The following IKBKB variants were observed in gnomAD, a reference collection of about 807,000 sequenced individuals.
IKBKB encodes inhibitor of nuclear factor kappa-B kinase subunit beta.
IKBKB carries 42 observed loss-of-function variants against 113.6 expected under a neutral mutation model. The ratio of observed to expected loss-of-function variants is 0.37; its 90% CI spans 0.29 to 0.48. The LOEUF is 0.48. Ranked by LOEUF, IKBKB falls within the 20% of genes least tolerant of loss-of-function variation. The pLI is 0.99. For missense variants in IKBKB, 673 were observed against 939.7 expected, an observed-to-expected ratio of 0.72 and a Z score of 3.71; for synonymous variants, 296 against 361.3, an observed-to-expected ratio of 0.82 and a Z score of 2.05.
rs1236425904 is a variant in IKBKB at position 42,308,235 on chromosome 8, T to G, written c.568-666T>G. Reference sequence around the variant, plus strand: ...CCCACGACTGTGTCCTGCCTTAAGCTAGTTTTCAATAAGCGCCTGAAATGC... The same window carrying G: ...CCCACGACTGTGTCCTGCCTTAAGCGAGTTTTCAATAAGCGCCTGAAATGC... On this transcript the variant is annotated intron_variant, in intron 7 of 21. Transcript: ENST00000520810. 2.0e-5 allele frequency among the ~76,000 whole-genome samples: 3 copies of G among 150,908 alleles called. No homozygotes were observed. In the East Asian group the frequency reaches 5.8e-4, roughly 29 times the overall value.
At chr8:42,273,017 G>A (rs1235101048) in intron 2 of IKBKB, among the ~76,000 whole-genome samples, 1 of 152,124 alleles carries the variant, frequency 6.6e-6, no homozygotes, top group Non-Finnish European at 1.5e-5. Context: ...GCTGATGTGG[G>A]AGGATTGCTT....
intron 5 of IKBKB, among the ~76,000 whole-genome samples, chr8:42,304,910 G>C (rs1816196754): frequency 6.6e-6 from 1 of 152,244 alleles, no homozygotes; most frequent in Non-Finnish European, 1.5e-5. Context: ...AAGCTTGTTT[G>C]CTGCTGGTCC....
chr8:42,327,273 C>A (rs986847738), intron 20 of IKBKB, among the ~76,000 whole-genome samples: 1 of 150,400 alleles, frequency 6.6e-6, no homozygotes, highest in South Asian at 2.1e-4. Context: ...GCAGGAGGTT[C>A]GCAGGAGTTC....
intron 16 of IKBKB, 69 bp downstream of exon 16, chr8:42,320,913 G>A: frequency 1.0e-6 from 1 of 973,036 alleles, no homozygotes; most frequent in Non-Finnish European, 1.5e-6. Flanking sequence ...CGGTGTGTGT[G>A]TCAAGGGCAC....
At chr8:42,306,875 C>T (rs1816648226) in intron 7 of IKBKB, among the ~76,000 whole-genome samples, 1 of 152,180 alleles carries the variant, frequency 6.6e-6, no homozygotes. Flanking sequence ...GAGCTCCCCA[C>T]CCTTTGTTTA....
chr8:42,279,181 A>T (rs1475274078), intron 2 of IKBKB, among the ~76,000 whole-genome samples: 1 of 152,198 alleles, frequency 6.6e-6, no homozygotes, highest in Non-Finnish European at 1.5e-5. Context: ...AAGTTTGGGA[A>T]ATCTCTAGGG....
chr8:42,281,098 T>C (rs866770802), intron 2 of IKBKB, among the ~76,000 whole-genome samples: 4 of 152,196 alleles, frequency 2.6e-5, no homozygotes, highest in Non-Finnish European at 5.9e-5. Flanking sequence ...CTGCCATTTT[T>C]CCAGGGCATC....
In IKBKB at chr8:42,293,522, A is replaced by G. The variant is rs199999270; in HGVS notation, c.388+10A>G. 2 of 1,614,170 alleles carry G rather than the reference A, an allele frequency of 1.2e-6. No individual in the cohort carries two copies. The highest frequency in any genetic ancestry group is 2.2e-5 in the South Asian group (2 of 91,080). On this transcript the variant is annotated intron_variant, in intron 5 of 21. Coordinates refer to ENST00000520810, the MANE Select transcript of IKBKB (RefSeq NM_001556.3). ...TTGCTGAGTGACATTGGTAAATCCC[A>G]GTCCCGGAATTCAGGCCGTGTCCTT...
intron 11 of IKBKB, chr8:42,317,168 G>C: frequency 2.1e-6 from 1 of 479,036 alleles, no homozygotes; most frequent in Non-Finnish European, 3.8e-6. Flanking sequence ...TATAACACTC[G>C]AATCTCTCAA....
chr8:42,299,763 G>A (rs1814767064), intron 5 of IKBKB, among the ~76,000 whole-genome samples: 1 of 152,222 alleles, frequency 6.6e-6, no homozygotes, highest in Non-Finnish European at 1.5e-5. Flanking sequence ...ACCTCCCAGA[G>A]ACCCTGAGCC....
intron 1 of IKBKB, 74 bp downstream of exon 1, chr8:42,271,543 A>G: frequency 1.7e-6 from 1 of 594,922 alleles, no homozygotes. Context: ...AAGGCCCGGA[A>G]GACCCCTCTG....
At chr8:42,326,485 C>A in intron 20 of IKBKB, 1 of 182,664 alleles carries the variant, frequency 5.5e-6, no homozygotes, top group Non-Finnish European at 1.1e-5. Flanking sequence ...TGCCACTGAC[C>A]TTCCCATTCT....
intron 5 of IKBKB, chr8:42,298,399 C>T (rs1814373028): frequency 4.1e-6 from 4 of 985,300 alleles, no homozygotes; most frequent in Middle Eastern, 5.2e-4. Flanking sequence ...TCCTAGCAGG[C>T]ATCCAGGACT....
At chr8:42,305,828 G>A (rs1816410750) in intron 6 of IKBKB, among the ~76,000 whole-genome samples, 1 of 152,254 alleles carries the variant, frequency 6.6e-6, no homozygotes, top group African/African-American at 2.4e-5. Flanking sequence ...AGCTGGGGTG[G>A]TGAGCACAGG....
chr8:42,308,944 A>G lies in IKBKB; in HGVS notation c.611A>G (p.Asp204Gly). The change falls in exon 8 of 22, where the codon GAC becomes GGC. Residue 204 changes from aspartate to glycine, a missense_variant. Physicochemically the swap from Asp to Gly is moderately conservative, Grantham distance 94 (BLOSUM62 -1). Coordinates refer to ENST00000520810, the MANE Select transcript of IKBKB (RefSeq NM_001556.3). ...LEQQKYTVTV[D>G]YWSFGTLAFE... ...CAGCAGAAGTACACAGTGACCGTCG[A>G]CTACTGGAGCTTCGGCACCCTGGCC... 1 of 1,614,172 alleles carries G rather than the reference A, an allele frequency of 6.2e-7. No homozygotes were observed. Among genetic ancestry groups the G allele is most frequent in the Non-Finnish European group, 8.5e-7 (1 of 1,180,008 alleles).
intron 21 of IKBKB, chr8:42,330,280 C>T (rs1349997955): frequency 1.3e-5 from 13 of 984,418 alleles, no homozygotes; most frequent in Non-Finnish European, 1.6e-5. Context: ...GAATATGTAA[C>T]TTAGCTTAAG....
At chr8:42,273,888 A>G (rs562896803) in intron 2 of IKBKB, among the ~76,000 whole-genome samples, 21 of 152,188 alleles carry the variant, frequency 1.4e-4, no homozygotes, top group African/African-American at 5.1e-4. Flanking sequence ...ATAATTGTAC[A>G]TATTTATGGG....
At chr8:42,318,089 G>A (rs908634039) in intron 12 of IKBKB, among the ~76,000 whole-genome samples, 13 of 151,824 alleles carry the variant, frequency 8.6e-5, no homozygotes, top group South Asian at 2.1e-4. Flanking sequence ...TAGTAAGCTC[G>A]CAAGTCTACT....
At chr8:42,306,927 A>G (rs1816657398) in intron 7 of IKBKB, among the ~76,000 whole-genome samples, 1 of 152,158 alleles carries the variant, frequency 6.6e-6, no homozygotes, top group African/African-American at 2.4e-5. Context: ...TGAGTCACTC[A>G]TTCATTCAAG....
Sources: gnomAD v4.1 joint callset for allele counts (sites outside exome capture counted in the v4.1 genomes callset) on GRCh38, gnomAD v4.1.1 for gene constraint, MANE v1.5 for transcripts, NCBI Gene and HGNC (gene_info 2026-07-23, HGNC 2026-07-21) for gene names.